Variants in SESTD1 observed in about 807,000 individuals in gnomAD.
The protein encoded by SESTD1 is SEC14 domain and spectrin repeat-containing protein 1.
Under a neutral mutation model 101.7 loss-of-function variants are expected in SESTD1, and 43 were observed. That is an observed-to-expected ratio of 0.42 (90% CI 0.33 to 0.55). The LOEUF is 0.55. SESTD1 is among the 20% of genes least tolerant of loss of function. The probability of loss-of-function intolerance (pLI) is 0.07; values close to 1 mark genes in which losing one functional copy is unlikely to be tolerated. For missense variants in SESTD1, 647 were observed against 815.1 expected (o/e 0.79, Z 2.51); for synonymous variants, 283 against 286.8 (o/e 0.99, Z 0.13).
intron 1 of SESTD1, among the ~76,000 whole-genome samples, chr2:179,198,394 A>C (rs1449978272): frequency 2.6e-5 from 4 of 152,230 alleles, no homozygotes; most frequent in African/African-American, 9.6e-5. Context: ...TAGACAGATC[A>C]ATGACACAGA....
chr2:179,259,826 TAAG>T (rs1361585379), intron 1 of SESTD1, among the ~76,000 whole-genome samples: 1 of 152,238 alleles, frequency 6.6e-6, no homozygotes, highest in Non-Finnish European at 1.5e-5. Context: ...CTCATGTTAC[TAAG>T]AAATTAACTT....
intron 10 of SESTD1, among the ~76,000 whole-genome samples, chr2:179,128,776 A>G (rs947159570): frequency 6.6e-6 from 1 of 151,606 alleles, no homozygotes; most frequent in African/African-American, 2.4e-5. Context: ...TAGAATGTAG[A>G]CTGCCTAGAA....
At chr2:179,228,992 G>A (rs1438084475) in intron 1 of SESTD1, among the ~76,000 whole-genome samples, 11 of 152,072 alleles carry the variant, frequency 7.2e-5, no homozygotes, top group Admixed American at 3.9e-4. Flanking sequence ...CCCAGTCTAC[G>A]TGAAAAAATC....
At chr2:179,198,835 T>C (rs556864695) in intron 1 of SESTD1, among the ~76,000 whole-genome samples, 217 of 151,762 alleles carry the variant, frequency 1.4e-3, no homozygotes, top group African/African-American at 5.0e-3. Flanking sequence ...TAGCACTAAA[T>C]GCCCACAAGA....
intron 1 of SESTD1, among the ~76,000 whole-genome samples, chr2:179,234,268 C>T (rs753705327): frequency 9.2e-5 from 14 of 152,276 alleles, no homozygotes; most frequent in Middle Eastern, 3.4e-3. Flanking sequence ...GCTGACTCTG[C>T]AGATTAGACT....
At chr2:179,146,504 A>G (rs1372156281) in intron 7 of SESTD1, 47 bp from the exon 8 acceptor site, 6 of 1,503,396 alleles carry the variant, frequency 4.0e-6, no homozygotes, top group East Asian at 4.5e-5. Flanking sequence ...ATTTCTATCA[A>G]TGTAACTTTA....
chr2:179,198,370 C>T (rs2046439996), intron 1 of SESTD1, among the ~76,000 whole-genome samples: 1 of 152,106 alleles, frequency 6.6e-6, no homozygotes, highest in Non-Finnish European at 1.5e-5. Flanking sequence ...ACTTTAACAC[C>T]CCACTGTCAA....
chr2:179,135,281 G>GA (rs1196008324), intron 9 of SESTD1, among the ~76,000 whole-genome samples: 2 of 151,946 alleles, frequency 1.3e-5, no homozygotes, highest in African/African-American at 4.8e-5. Flanking sequence ...TCTGCCAATT[G>GA]AAAAAACAGA....
At chr2:179,261,751 A>T (rs2047486676) in intron 1 of SESTD1, among the ~76,000 whole-genome samples, 1 of 152,002 alleles carries the variant, frequency 6.6e-6, no homozygotes, top group South Asian at 2.1e-4. Context: ...TACCCTAGAA[A>T]ATGGAACCCT....
intron 1 of SESTD1, among the ~76,000 whole-genome samples, chr2:179,200,198 G>A (rs1005017030): frequency 1.2e-4 from 18 of 151,776 alleles, no homozygotes; most frequent in Non-Finnish European, 1.9e-4. Context: ...AAAATACCTA[G>A]GAATCCAACT....
chr2:179,221,842 C>A (rs1293537524), intron 1 of SESTD1, among the ~76,000 whole-genome samples: 1 of 150,890 alleles, frequency 6.6e-6, no homozygotes, highest in Admixed American at 6.6e-5. Context: ...ATCCCTTGAG[C>A]CCAGGAGGTC....
intron 1 of SESTD1, among the ~76,000 whole-genome samples, chr2:179,229,354 GT>G (rs2046940772): frequency 6.6e-6 from 1 of 152,026 alleles, no homozygotes; most frequent in African/African-American, 2.4e-5. Flanking sequence ...TGAAACATCA[GT>G]TTTCTCCTAC....
At chr2:179,193,367 A>G (rs572794223) in intron 1 of SESTD1, among the ~76,000 whole-genome samples, 1 of 152,318 alleles carries the variant, frequency 6.6e-6, no homozygotes, top group African/African-American at 2.4e-5. Context: ...GTTCTATATT[A>G]GCCCGGCAAA....
intron 1 of SESTD1, among the ~76,000 whole-genome samples, chr2:179,199,134 T>C (rs1398961376): frequency 2.6e-5 from 4 of 151,840 alleles, no homozygotes; most frequent in East Asian, 1.9e-4. Flanking sequence ...TCACCACCGA[T>C]CCCACAGAAA....
At chr2:179,258,750 G>A (rs992645089) in intron 1 of SESTD1, among the ~76,000 whole-genome samples, 1 of 152,088 alleles carries the variant, frequency 6.6e-6, no homozygotes, top group African/African-American at 2.4e-5. Context: ...ATTTACTTCT[G>A]TGCTTTACCT....
intron 2 of SESTD1, among the ~76,000 whole-genome samples, chr2:179,191,028 C>T (rs1270206368): frequency 6.6e-6 from 1 of 152,134 alleles, no homozygotes; most frequent in Non-Finnish European, 1.5e-5. Flanking sequence ...TGGGTATATA[C>T]CCAGTAATGG....
intron 2 of SESTD1, among the ~76,000 whole-genome samples, 190 bp from the exon 3 acceptor site, chr2:179,183,378 G>C (rs898410471): frequency 2.0e-4 from 30 of 151,724 alleles, no homozygotes; most frequent in Non-Finnish European, 7.4e-5. Context: ...TTAGAAAAAA[G>C]GAAAAAAATT....
intron 5 of SESTD1, among the ~76,000 whole-genome samples, chr2:179,153,960 G>C (rs555840474): frequency 4.0e-5 from 6 of 151,772 alleles, no homozygotes; most frequent in Non-Finnish European, 8.8e-5. Context: ...TAATGAAAAC[G>C]AGACTGGGCA....
intron 1 of SESTD1, among the ~76,000 whole-genome samples, chr2:179,219,565 CA>C (rs1275548754): frequency 6.6e-6 from 1 of 152,170 alleles, no homozygotes; most frequent in Admixed American, 6.5e-5. Flanking sequence ...ACTGTTGTTA[CA>C]AAGTAAGAGC....
Sources: allele counts gnomAD v4.1 joint callset (sites outside exome capture counted in the v4.1 genomes callset), GRCh38; gene constraint gnomAD v4.1.1; transcripts MANE v1.5; gene names NCBI Gene and HGNC (gene_info 2026-07-23, HGNC 2026-07-21).